Variants in HTR1F observed in about 807,000 individuals in gnomAD.
HTR1F encodes the protein 5-hydroxytryptamine receptor 1F.
Under a neutral mutation model 24.0 loss-of-function variants are expected in HTR1F, and 17 were observed. The observed-to-expected ratio is 0.71, with a 90% CI of 0.48 to 1.06. The LOEUF (loss-of-function observed/expected upper bound fraction) is 1.06. Among genes scored for constraint, HTR1F ranks in the 50% least tolerant of loss-of-function variants. The probability of loss-of-function intolerance (pLI) is 0.00; values close to 1 mark genes in which losing one functional copy is unlikely to be tolerated. For missense variants in HTR1F, 391 were observed against 427.8 expected (o/e 0.91, Z 0.76); for synonymous variants, 186 against 156.8 (o/e 1.19, Z -1.39).
At chr3:87,951,616 G>A (rs1489073081) in intron 2 of HTR1F, among the ~76,000 whole-genome samples, 2 of 152,008 alleles carry the variant, frequency 1.3e-5, no homozygotes, top group Non-Finnish European at 2.9e-5. Context: ...CCCCACAAGA[G>A]TAGGATATTT....
intron 2 of HTR1F, among the ~76,000 whole-genome samples, chr3:87,967,137 T>A (rs1315512926): frequency 6.6e-6 from 1 of 152,092 alleles, no homozygotes; most frequent in South Asian, 2.1e-4. Flanking sequence ...TTGCTTATAG[T>A]ACCTCTTCTG....
chr3:87,936,270 T>G (rs1473329583), intron 2 of HTR1F, among the ~76,000 whole-genome samples: 1 of 152,232 alleles, frequency 6.6e-6, no homozygotes, highest in African/African-American at 2.4e-5. Flanking sequence ...CAATTGTGCA[T>G]TCAGTATGCT....
At chr3:87,837,861 A>G (rs1326645738) in intron 2 of HTR1F, among the ~76,000 whole-genome samples, 1 of 152,094 alleles carries the variant, frequency 6.6e-6, no homozygotes, top group Non-Finnish European at 1.5e-5. Flanking sequence ...TTATTGTTAC[A>G]GTATAATTAT....
intron 2 of HTR1F, among the ~76,000 whole-genome samples, chr3:87,919,283 C>T (rs1369027213): frequency 2.0e-5 from 3 of 151,602 alleles, no homozygotes. Context: ...GAAGATAACA[C>T]TGGAAAACCC....
chr3:87,903,951 T>C (rs1703592712), intron 2 of HTR1F, among the ~76,000 whole-genome samples: 1 of 152,168 alleles, frequency 6.6e-6, no homozygotes, highest in Non-Finnish European at 1.5e-5. Flanking sequence ...AGTAAAGCCA[T>C]AGTTACAAGA....
At chr3:87,920,522 A>G (rs1403656143) in intron 2 of HTR1F, among the ~76,000 whole-genome samples, 1 of 152,040 alleles carries the variant, frequency 6.6e-6, no homozygotes, top group Non-Finnish European at 1.5e-5. Flanking sequence ...TTAAAAAAGA[A>G]ATGATATGGA....
chr3:87,839,499 T>C (rs1704754402), intron 2 of HTR1F, among the ~76,000 whole-genome samples: 1 of 152,150 alleles, frequency 6.6e-6, no homozygotes, highest in African/African-American at 2.4e-5. Context: ...TGATGCTTCC[T>C]ACTTCGCTCT....
At chr3:87,861,873 T>C (rs1244244235) in intron 2 of HTR1F, among the ~76,000 whole-genome samples, 1 of 152,140 alleles carries the variant, frequency 6.6e-6, no homozygotes, top group South Asian at 2.1e-4. Flanking sequence ...CACATTCTAG[T>C]TACAATTAAT....
In HTR1F at chr3:87,961,770, T is replaced by C. The variant is rs559845285; in HGVS notation, c.-42-28938T>C. Among the ~76,000 whole-genome samples, 3 of 148,270 alleles carry C rather than the reference T, an allele frequency of 2.0e-5. No individual in the cohort carries two copies. In the South Asian group the frequency reaches 6.4e-4, roughly 32 times the overall value. On this transcript the variant is annotated intron_variant, in intron 2 of 2. Transcript: ENST00000319595. ...TTGTAACCTGAAAAATGGAAAGTAA[T>C]GGAGGTAGTATAAAAGAGAGGTAAT...
rs1321399207 is a variant in HTR1F, at chr3:87,935,610, T to A, written c.-42-55098T>A. Among the ~76,000 whole-genome samples, 9 of 152,316 alleles carry A rather than the reference T, an allele frequency of 5.9e-5. No individual in the cohort carries two copies. In the East Asian group the frequency reaches 1.5e-3, roughly 26 times the overall value. On this transcript the variant is annotated intron_variant, in intron 2 of 2. Coordinates refer to ENST00000319595, the MANE Select transcript of HTR1F (RefSeq NM_001322209.2). ...CTTGAAAATTCTAACTGGATTAAATTTTCTATCTAATGTACTCAAATTAAA... is the reference window on the plus strand; with the variant it reads ...CTTGAAAATTCTAACTGGATTAAATATTCTATCTAATGTACTCAAATTAAA...
At chr3:87,927,606 A>G (rs1405921373) in intron 2 of HTR1F, among the ~76,000 whole-genome samples, 3 of 152,202 alleles carry the variant, frequency 2.0e-5, no homozygotes, top group African/African-American at 7.2e-5. Context: ...TTGAAAAATG[A>G]AAGAATAAAA....
chr3:87,865,520 A>T (rs1234068491), intron 2 of HTR1F, among the ~76,000 whole-genome samples: 1 of 152,102 alleles, frequency 6.6e-6, no homozygotes, highest in Admixed American at 6.6e-5. Context: ...GACTGTTACC[A>T]TCACTACTTA....
At chr3:87,822,942 T>C (rs942903065) in intron 2 of HTR1F, among the ~76,000 whole-genome samples, 4 of 152,168 alleles carry the variant, frequency 2.6e-5, no homozygotes, top group Admixed American at 6.5e-5. Context: ...GCTAGGAAAA[T>C]GGTGACAATA....
At chr3:87,890,111 T>C (rs537515583) in intron 2 of HTR1F, among the ~76,000 whole-genome samples, 1 of 152,218 alleles carries the variant, frequency 6.6e-6, no homozygotes, top group African/African-American at 2.4e-5. Context: ...ATATAATACC[T>C]ATGCAGTGTG....
At chr3:87,946,627 ATT>A (rs113993620) in intron 2 of HTR1F, among the ~76,000 whole-genome samples, 10 of 129,150 alleles carry the variant, frequency 7.7e-5, no homozygotes, top group African/African-American at 3.1e-4. Context: ...ATATATATAT[ATT>A]TTTTTTTTTT....
chr3:87,876,298 C>A (rs920611777), intron 2 of HTR1F, among the ~76,000 whole-genome samples: 2 of 152,254 alleles, frequency 1.3e-5, no homozygotes, highest in Middle Eastern at 6.8e-3. Context: ...AAGAGCTGTT[C>A]CCACACCTAT....
At chr3:87,806,746 GT>G (rs1453461347) in intron 1 of HTR1F, among the ~76,000 whole-genome samples, 1 of 151,930 alleles carries the variant, frequency 6.6e-6, no homozygotes, top group Non-Finnish European at 1.5e-5. Flanking sequence ...TGTTTTCCCT[GT>G]TTTCTTCTAA....
chr3:87,823,756 G>C (rs1704406864), intron 2 of HTR1F, among the ~76,000 whole-genome samples: 1 of 151,640 alleles, frequency 6.6e-6, no homozygotes, highest in African/African-American at 2.4e-5. Flanking sequence ...TGGGATTACA[G>C]GCTTTAAAAA....
chr3:87,830,563 C>T (rs1453294852), intron 2 of HTR1F, among the ~76,000 whole-genome samples: 4 of 152,086 alleles, frequency 2.6e-5, no homozygotes, highest in Admixed American at 6.5e-5. Context: ...CATGATTTCT[C>T]GTGCTATCTA....
Sources: gnomAD v4.1 joint callset for allele counts (sites outside exome capture counted in the v4.1 genomes callset) on GRCh38, gnomAD v4.1.1 for gene constraint, MANE v1.5 for transcripts, NCBI Gene and HGNC (gene_info 2026-07-23, HGNC 2026-07-21) for gene names.